Variants in ARHGAP32 observed in about 807,000 individuals in gnomAD.
ARHGAP32 encodes the protein Rho GTPase activating protein 32, also known as rho GTPase-activating protein 32.
A neutral mutation model predicts 186.5 loss-of-function variants in ARHGAP32; 51 were observed. The observed-to-expected ratio is 0.27, with a 90% CI of 0.22 to 0.35. The LOEUF (loss-of-function observed/expected upper bound fraction) is 0.35. Ranked by LOEUF, ARHGAP32 falls within the 10% of genes least tolerant of loss-of-function variation. ARHGAP32 has a pLI of 1.00. For synonymous variants in ARHGAP32, 950 were observed against 964.3 expected (o/e 0.99, Z 0.27); for missense variants, 2,186 against 2,623.5 (o/e 0.83, Z 3.64).
chr11:129,177,253 T>A (rs1400059641), intron 1 of ARHGAP32, among the ~76,000 whole-genome samples: 1 of 152,112 alleles, frequency 6.6e-6, no homozygotes, highest in African/African-American at 2.4e-5. Context: ...GTTGAATCTC[T>A]GAATAGACCA....
At chr11:129,203,642 C>A (rs184023195) in intron 1 of ARHGAP32, among the ~76,000 whole-genome samples, 14 of 146,838 alleles carry the variant, frequency 9.5e-5, no homozygotes, top group African/African-American at 3.5e-4. Context: ...GCAATCCCAG[C>A]ACTTTGAGAG....
At chr11:129,126,834 G>A (rs1430700807) in intron 2 of ARHGAP32, among the ~76,000 whole-genome samples, 1 of 151,924 alleles carries the variant, frequency 6.6e-6, no homozygotes, top group Non-Finnish European at 1.5e-5. Context: ...GGATCACCTG[G>A]TTTTGCCATT....
At chr11:129,036,925 T>C (rs1043377078) in intron 11 of ARHGAP32, among the ~76,000 whole-genome samples, 2 of 152,308 alleles carry the variant, frequency 1.3e-5, no homozygotes, top group Middle Eastern at 6.8e-3. Context: ...AAGTAAAAAG[T>C]GGCTACTGTA....
chr11:128,982,917 AGGACAATGAAT>A (rs1945751267), intron 15 of ARHGAP32, among the ~76,000 whole-genome samples: 1 of 138,652 alleles, frequency 7.2e-6, no homozygotes, highest in African/African-American at 2.7e-5. Context: ...AAAAAAAAAA[AGGACAATGAAT>A]GGGAGACAGA....
intron 6 of ARHGAP32, among the ~76,000 whole-genome samples, chr11:129,080,505 T>C (rs1486653758): frequency 6.6e-6 from 1 of 152,192 alleles, no homozygotes; most frequent in Non-Finnish European, 1.5e-5. Context: ...GAATGATTGT[T>C]GGGTCAACAA....
At chr11:129,069,997 A>G (rs1384929538) in intron 6 of ARHGAP32, among the ~76,000 whole-genome samples, 4 of 152,032 alleles carry the variant, frequency 2.6e-5, no homozygotes, top group African/African-American at 9.7e-5. Context: ...GCTAGTTGGA[A>G]TATCATTTTC....
chr11:129,170,767 C>T (rs1413107484), intron 1 of ARHGAP32, among the ~76,000 whole-genome samples: 2 of 152,232 alleles, frequency 1.3e-5, no homozygotes, highest in African/African-American at 4.8e-5. Flanking sequence ...AAGGGTTGAA[C>T]TAATTTACAT....
At chr11:129,113,728 A>T (rs552277043) in intron 5 of ARHGAP32, among the ~76,000 whole-genome samples, 1 of 152,276 alleles carries the variant, frequency 6.6e-6, no homozygotes, top group East Asian at 1.9e-4. Context: ...CTGAGATTTA[A>T]GTAGGGATCG....
intron 10 of ARHGAP32, among the ~76,000 whole-genome samples, chr11:129,044,531 T>C (rs1461653887): frequency 6.6e-6 from 1 of 152,188 alleles, no homozygotes; most frequent in African/African-American, 2.4e-5. Context: ...GTAAATGCTA[T>C]TATTATCCCA....
chr11:129,037,192 ATAAAT>A (rs1460083930), intron 11 of ARHGAP32, among the ~76,000 whole-genome samples: 5 of 152,262 alleles, frequency 3.3e-5, no homozygotes, highest in African/African-American at 9.6e-5. Flanking sequence ...AAATATTGAA[ATAAAT>A]TAAAGAATGT....
At chr11:128,981,360 A>G in intron 17 of ARHGAP32, 56 bp downstream of exon 17, 2 of 1,516,248 alleles carry the variant, frequency 1.3e-6, no homozygotes, top group Non-Finnish European at 1.8e-6. Flanking sequence ...ATGGTTTGCT[A>G]CTCCTCTGGA....
chr11:129,149,428 C>T (rs1030464779), intron 2 of ARHGAP32, among the ~76,000 whole-genome samples: 1 of 152,186 alleles, frequency 6.6e-6, no homozygotes, highest in Admixed American at 6.5e-5. Flanking sequence ...GGCATCCATG[C>T]CTGGGAGACC....
intron 1 of ARHGAP32, among the ~76,000 whole-genome samples, chr11:129,274,414 C>T (rs376003236): frequency 1.6e-4 from 24 of 152,272 alleles, no homozygotes; most frequent in Non-Finnish European, 2.2e-4. Context: ...AAGAGCCCTT[C>T]TGCCTCCATC....
rs1296095101 is a variant in ARHGAP32, at chr11:128,978,687, C to T, written c.2122+83G>A. 9.2e-6 allele frequency: 13 copies of T among 1,414,542 alleles called. No homozygotes were observed. The Admixed American group carries it at 3.3e-4, about 35-fold the overall frequency. 87.6% of individuals were successfully genotyped at this position (1,414,542 alleles called of 1,614,324 possible). The stretch of plus-strand genomic sequence containing the variant: ...CTGTGAACACGTTATGGAAGCAGAT[C>T]ATAACAATATGTGAAGAACGTGCCC... On this transcript the variant is annotated intron_variant, in intron 19 of 22. Coordinates refer to ENST00000682385, the MANE Select transcript of ARHGAP32 (RefSeq NM_001378024.1).
At chr11:129,195,109 T>C (rs1944375842), upstream of ARHGAP32, among the ~76,000 whole-genome samples, 1 of 151,850 alleles carries the variant, frequency 6.6e-6, no homozygotes, top group Admixed American at 6.6e-5. Flanking sequence ...GCTGGGATTA[T>C]AAGTGTGTGC....
At chr11:129,010,303 C>G (rs1165566114) in intron 11 of ARHGAP32, among the ~76,000 whole-genome samples, 2 of 152,246 alleles carry the variant, frequency 1.3e-5, no homozygotes, top group East Asian at 3.9e-4. Context: ...TTAATTAGAT[C>G]CCATTGGTCA....
At chr11:129,182,377 T>C (rs1944074668) in intron 1 of ARHGAP32, among the ~76,000 whole-genome samples, 2 of 152,154 alleles carry the variant, frequency 1.3e-5, no homozygotes, top group South Asian at 4.1e-4. Flanking sequence ...TCTTTGTATA[T>C]CAAGGAGATT....
intron 2 of ARHGAP32, among the ~76,000 whole-genome samples, chr11:129,126,467 C>A (rs1335492181): frequency 6.6e-6 from 1 of 152,196 alleles, no homozygotes; most frequent in Admixed American, 6.5e-5. Context: ...AGCTTGGAGA[C>A]ACCATCTTTC....
At chr11:128,984,763 T>A (rs1269485030) in intron 15 of ARHGAP32, among the ~76,000 whole-genome samples, 1 of 152,148 alleles carries the variant, frequency 6.6e-6, no homozygotes, top group Non-Finnish European at 1.5e-5. Context: ...TTAGGATATA[T>A]ATACATATAA....
Sources: gnomAD v4.1 joint callset for allele counts (sites outside exome capture counted in the v4.1 genomes callset) on GRCh38, gnomAD v4.1.1 for gene constraint, MANE v1.5 for transcripts, NCBI Gene and HGNC (gene_info 2026-07-23, HGNC 2026-07-21) for gene names.